Variants in COL25A1 observed in about 807,000 individuals in gnomAD.
COL25A1 encodes collagen alpha-1(XXV) chain.
In COL25A1, 103 loss-of-function variants were observed where a neutral mutation model predicts 128.4. The observed-to-expected ratio is 0.80, with a 90% CI of 0.68 to 0.94. The LOEUF is 0.94. COL25A1 is among the 40% of genes least tolerant of loss of function. The pLI, the probability that COL25A1 is intolerant of heterozygous loss-of-function variation, is 0.00. For synonymous variants in COL25A1, 279 were observed against 277.2 expected (o/e 1.01, Z -0.06); for missense variants, 745 against 840.0 (o/e 0.89, Z 1.40).
intron 3 of COL25A1, among the ~76,000 whole-genome samples, chr4:109,244,473 T>C (rs1780127388): frequency 6.6e-6 from 1 of 152,178 alleles, no homozygotes; most frequent in South Asian, 2.1e-4. Context: ...TAAGCAACTT[T>C]GCAAAGTGAA....
rs751081756 is a variant in COL25A1 at position 108,825,206 on chromosome 4, G to C, written c.1781C>G (p.Pro594Arg). ...GTACTTATTACTTACATCAAGACCAGGCTCTCCATCTTTCCCCTGCCAAAG... is the reference window on the plus strand; with the variant it reads ...GTACTTATTACTTACATCAAGACCACGCTCTCCATCTTTCCCCTGCCAAAG... ...PYGLPGKDGE[P>R]GLDGFPGPRG... Residue 594 changes from proline to arginine, a missense_variant, in exon 34 of 38, where the codon CCT becomes CGT. Transcript: ENST00000399132. 1.2e-6 allele frequency: 2 copies of C among 1,610,966 alleles called. No individual in the cohort carries two copies. The highest frequency in any genetic ancestry group is 3.3e-5 in the Admixed American group (2 of 59,986).
chr4:109,280,169 G>A (rs1473103423), intron 3 of COL25A1, among the ~76,000 whole-genome samples: 1 of 152,160 alleles, frequency 6.6e-6, no homozygotes, highest in South Asian at 2.1e-4. Flanking sequence ...AAATGTTGAG[G>A]CTTCCTTTCT....
intron 3 of COL25A1, among the ~76,000 whole-genome samples, chr4:109,153,978 C>T (rs1771791136): frequency 6.6e-6 from 1 of 152,130 alleles, no homozygotes; most frequent in Non-Finnish European, 1.5e-5. Context: ...AACACATGAC[C>T]CTTGTCCCTG....
At chr4:109,043,058 T>A (rs1157991542) in intron 5 of COL25A1, among the ~76,000 whole-genome samples, 2 of 152,076 alleles carry the variant, frequency 1.3e-5, no homozygotes, top group Admixed American at 6.6e-5. Context: ...TATATTTCAG[T>A]TCTGTCTCCT....
At chr4:109,298,653 A>G (rs1289165063) in intron 3 of COL25A1, among the ~76,000 whole-genome samples, 1 of 152,210 alleles carries the variant, frequency 6.6e-6, no homozygotes. Context: ...TCCCCAAGAT[A>G]TTATTTTCAA....
At chr4:109,211,911 A>T (rs1244541849) in intron 3 of COL25A1, among the ~76,000 whole-genome samples, 1 of 152,178 alleles carries the variant, frequency 6.6e-6, no homozygotes, top group Non-Finnish European at 1.5e-5. Context: ...AGCAGGAGAA[A>T]GAATGTGGGC....
chr4:109,042,933 T>C (rs963431005), intron 5 of COL25A1, among the ~76,000 whole-genome samples: 1 of 152,060 alleles, frequency 6.6e-6, no homozygotes, highest in South Asian at 2.1e-4. Flanking sequence ...ACGATGAGGA[T>C]AGGATAAGAC....
At chr4:109,293,867 G>A (rs1299579143) in intron 3 of COL25A1, among the ~76,000 whole-genome samples, 1 of 151,988 alleles carries the variant, frequency 6.6e-6, no homozygotes, top group Admixed American at 6.6e-5. Context: ...AAATGATTCT[G>A]GATTTTGAGA....
chr4:109,084,814 C>T (rs1401817531), intron 3 of COL25A1, among the ~76,000 whole-genome samples: 1 of 152,118 alleles, frequency 6.6e-6, no homozygotes, highest in Non-Finnish European at 1.5e-5. Flanking sequence ...TGTGGCATTT[C>T]ATTTTATGTT....
intron 8 of COL25A1, among the ~76,000 whole-genome samples, chr4:108,969,643 A>AC: frequency 6.6e-6 from 1 of 151,636 alleles, no homozygotes; most frequent in Non-Finnish European, 1.5e-5. Flanking sequence ...TCTCTCCCTA[A>AC]CCCCCGCTGA....
chr4:108,847,349 C>T (rs980836280), intron 27 of COL25A1, among the ~76,000 whole-genome samples: 1 of 151,966 alleles, frequency 6.6e-6, no homozygotes, highest in Non-Finnish European at 1.5e-5. Context: ...GCTGCACAAA[C>T]CTGTTTATCT....
Position 108,831,259 on chromosome 4 carries a change from T to G in COL25A1, c.1710+1121A>C, listed in dbSNP as rs952154309. Among the ~76,000 whole-genome samples, 4 of 152,252 alleles carry G rather than the reference T, an allele frequency of 2.6e-5. No individual in the cohort carries two copies. The South Asian group carries it at 8.3e-4, about 32-fold the overall frequency. ...AATCAATTATAATGGTATTATTCAA[T>G]GTACTGAAGCAAATTAGCAAAATAG... is the stretch of plus-strand genomic sequence containing the variant. On this transcript the variant is annotated intron_variant, in intron 32 of 37. Coordinates refer to ENST00000399132, the MANE Select transcript of COL25A1 (RefSeq NM_198721.4).
intron 36 of COL25A1, among the ~76,000 whole-genome samples, chr4:108,818,600 G>C (rs1372066194): frequency 6.6e-6 from 1 of 152,166 alleles, no homozygotes; most frequent in African/African-American, 2.4e-5. Flanking sequence ...TGCCAATGGA[G>C]ATAAGGGAGT....
chr4:109,072,748 C>T (rs1763075145), intron 3 of COL25A1, among the ~76,000 whole-genome samples: 1 of 152,204 alleles, frequency 6.6e-6, no homozygotes. Context: ...TGCATCTCCA[C>T]TCTCACCAAG....
At chr4:109,217,356 A>G (rs1377869113) in intron 3 of COL25A1, among the ~76,000 whole-genome samples, 1 of 152,178 alleles carries the variant, frequency 6.6e-6, no homozygotes, top group African/African-American at 2.4e-5. Context: ...CTAACCATTA[A>G]TATATTTGAA....
At chr4:108,871,015 T>C (rs1055036499) in intron 19 of COL25A1, among the ~76,000 whole-genome samples, 1 of 152,220 alleles carries the variant, frequency 6.6e-6, no homozygotes, top group Non-Finnish European at 1.5e-5. Flanking sequence ...ATATTTCTTA[T>C]ACAGGTTAGT....
chr4:109,115,584 C>A (rs1465523949), intron 3 of COL25A1, among the ~76,000 whole-genome samples: 1 of 151,960 alleles, frequency 6.6e-6, no homozygotes, highest in East Asian at 1.9e-4. Context: ...ACCAATCATC[C>A]CCATTCCTTG....
chr4:108,921,352 G>A (rs534016168), intron 11 of COL25A1, among the ~76,000 whole-genome samples: 26 of 152,216 alleles, frequency 1.7e-4, no homozygotes, highest in African/African-American at 6.0e-4. Context: ...TTTAGAGCAA[G>A]GCATGGCTTT....
rs1274380766 is a variant in COL25A1, at chr4:109,050,165, G to A, written c.382C>T (p.Arg128Ter). ...TCTCCTCTTCGGCCTCTCTTACCTC[G>A]TTTCCCTGGAGGGCCTGAAATACAA... ...CNCPAGPPGKRGKRGRRGESG... is the reference protein window; with the variant it reads ...CNCPAGPPGK Residue 128 changes from arginine (R) to a stop codon, truncating the protein, a stop_gained, in exon 4 of 38, where the codon CGA (arginine) becomes TGA (stop). Coordinates refer to ENST00000399132, the MANE Select transcript of COL25A1 (RefSeq NM_198721.4). LOFTEE classifies it high-confidence loss of function. 11 of 1,607,392 alleles carry A rather than the reference G, an allele frequency of 6.8e-6. No homozygotes were observed. The highest frequency in any genetic ancestry group is 1.1e-5 in the South Asian group (1 of 90,084).
Sources: gnomAD v4.1 joint callset for allele counts (sites outside exome capture counted in the v4.1 genomes callset) on GRCh38, gnomAD v4.1.1 for gene constraint, MANE v1.5 for transcripts, NCBI Gene and HGNC (gene_info 2026-07-23, HGNC 2026-07-21) for gene names.